Variants in MEAF6 observed in about 807,000 individuals in gnomAD.
MEAF6 encodes the protein chromatin modification-related protein MEAF6.
A neutral mutation model predicts 28.9 loss-of-function variants in MEAF6; 15 were observed. The ratio of observed to expected loss-of-function variants is 0.52; its 90% CI spans 0.35 to 0.80. The LOEUF is 0.80. Among genes scored for constraint, MEAF6 ranks in the 30% least tolerant of loss-of-function variants. The pLI is 0.01. For missense variants in MEAF6, 178 were observed against 237.5 expected (o/e 0.75, Z 1.65); for synonymous variants, 97 against 88.7 (o/e 1.09, Z -0.53).
In MEAF6 at chr1:37,493,785, T is replaced by C. The variant is rs892136201; in HGVS notation, c.*314A>G. 3.9e-5 allele frequency: 60 copies of C among 1,550,680 alleles called. No homozygotes were observed. The Admixed American group carries it at 1.1e-3, about 28-fold the overall frequency. Reference sequence around the variant, plus strand: ...TGAAGGGTATCACAGATGAAGCTGGTGCCAGCCAGTTTTGGGGGAGACATT... The same window carrying C: ...TGAAGGGTATCACAGATGAAGCTGGCGCCAGCCAGTTTTGGGGGAGACATT... On this transcript the variant is annotated 3_prime_UTR_variant, in exon 7 of 7. Transcript: ENST00000296214.
chr1:37,502,037 T>C (rs753529912), intron 4 of MEAF6, 41 bp from the exon 5 acceptor site: 17 of 1,528,880 alleles, frequency 1.1e-5, no homozygotes, highest in Admixed American at 1.8e-5. Context: ...GCATCATCAG[T>C]ACTCCTCAGG....
chr1:37,504,800 T>TATAC (rs1553163114), intron 4 of MEAF6, among the ~76,000 whole-genome samples: 2 of 135,178 alleles, frequency 1.5e-5, no homozygotes, highest in African/African-American at 5.5e-5. Flanking sequence ...AAAATTTATA[T>TATAC]ACACACACAC....
At position 37,496,522 on chromosome 1, in the gene MEAF6, C is replaced by T; in HGVS notation, c.534-604G>A. On this transcript the variant is annotated intron_variant, in intron 5 of 6. Coordinates refer to ENST00000296214, the MANE Select transcript of MEAF6 (RefSeq NM_001270875.3). ...TAAAAGTGAAGTTTACTTAATTTTG[C>T]TTAAGTTATTAAATAAAATGTTACC... 3.1e-6 allele frequency: 4 copies of T among 1,279,154 alleles called. 1 individual carries two copies. The highest frequency in any genetic ancestry group is 4.1e-6 in the Non-Finnish European group (4 of 971,120). The allele number at this position is 1,279,154 out of a possible 1,614,324, so 79.2% of individuals were successfully genotyped here.
intron 4 of MEAF6, among the ~76,000 whole-genome samples, chr1:37,502,390 T>C (rs1642338484): frequency 6.6e-6 from 1 of 151,950 alleles, no homozygotes. Context: ...GTCTTAAAAA[T>C]ATATATGTTT....
chr1:37,505,580 A>G (rs940954028), intron 4 of MEAF6, among the ~76,000 whole-genome samples: 1 of 152,226 alleles, frequency 6.6e-6, no homozygotes. Context: ...CAGAGAAACC[A>G]AAAGATTGGA....
rs1407733718 is a variant in MEAF6 at position 37,492,216 on chromosome 1, G to C, written c.*1883C>G. Among the ~76,000 whole-genome samples, 1 of 152,002 alleles carries C rather than the reference G, an allele frequency of 6.6e-6. No individual in the cohort carries two copies. The highest frequency in any genetic ancestry group is 1.9e-4 in the East Asian group (1 of 5,184). On this transcript the variant is annotated 3_prime_UTR_variant, in exon 7 of 7. Coordinates refer to ENST00000296214, the MANE Select transcript of MEAF6 (RefSeq NM_001270875.3). ...GCTAATTTTTTGCATTTTTAGTAGA[G>C]ATGGGGTTTCACTGTGTTCGCCAGG...
chr1:37,497,176 C>T (rs1642151771), intron 5 of MEAF6, among the ~76,000 whole-genome samples: 1 of 152,140 alleles, frequency 6.6e-6, no homozygotes, highest in Non-Finnish European at 1.5e-5. Context: ...ACAACACAGT[C>T]TAAACTTTAA....
In MEAF6 at chr1:37,492,619, T is replaced by C. The variant is rs1641976103; in HGVS notation, c.*1480A>G. On this transcript the variant is annotated 3_prime_UTR_variant, in exon 7 of 7. Coordinates refer to ENST00000296214, the MANE Select transcript of MEAF6 (RefSeq NM_001270875.3). The stretch of plus-strand genomic sequence containing the variant: ...TATTTGAGAACAAGAGTGAAAGCTT[T>C]TGCACATCTGACAAGGTAGACTTGT... 6.7e-6 allele frequency: 1 copy of C among 149,906 alleles called. No homozygotes were observed. Among genetic ancestry groups the C allele is most frequent in the South Asian group, 2.1e-4 (1 of 4,760 alleles). The allele number at this position is 149,906 out of a possible 1,614,324, so 9.3% of individuals were successfully genotyped here.
intron 6 of MEAF6, among the ~76,000 whole-genome samples, 191 bp from the exon 7 acceptor site, chr1:37,494,298 G>A (rs973393525): frequency 6.6e-6 from 1 of 151,558 alleles, no homozygotes; most frequent in Non-Finnish European, 1.5e-5. Flanking sequence ...GGGAGATCAC[G>A]AGGTCAGGAG....
At chr1:37,509,968 G>C (rs1315213155) in intron 2 of MEAF6, among the ~76,000 whole-genome samples, 5 of 151,898 alleles carry the variant, frequency 3.3e-5, no homozygotes, top group South Asian at 4.2e-4. Flanking sequence ...GTAGAGACGG[G>C]GTTTTGCCAT....
chr1:37,514,740 T>C lies in MEAF6; in HGVS notation c.7A>G (p.Met3Val), dbSNP rs770091373. 92 of 1,485,298 alleles carry C rather than the reference T, an allele frequency of 6.2e-5. No individual in the cohort carries two copies. Among genetic ancestry groups the C allele is most frequent in the Non-Finnish European group, 7.6e-5 (85 of 1,118,320 alleles). 92.0% of individuals were successfully genotyped at this position (1,485,298 alleles called of 1,614,324 possible). MA[M>V]HNKAAPPQIP... ...TGCGGCGGCGCCGCCTTGTTGTGCA[T>C]CGCCATGTTGGGCTGAGGCGGGCGG... Residue 3 changes from methionine (M) to valine (V), a missense_variant, in exon 1 of 7, where the codon ATG (methionine) becomes GTG (valine). Coordinates refer to ENST00000296214, the MANE Select transcript of MEAF6 (RefSeq NM_001270875.3).
rs1455982912 is a variant in MEAF6, at chr1:37,501,949, T to G, written c.388A>C (p.Asn130His). 1.2e-6 allele frequency: 2 copies of G among 1,610,430 alleles called. No individual in the cohort carries two copies. The highest frequency in any genetic ancestry group is 2.2e-5 in the South Asian group (2 of 90,790). The part of the protein sequence containing the change: ...TESDTSPDFH[N>H]QENEPSQEDP... ...TCCTGGCTGGGCTCATTTTCCTGATTGTGGAAGTCTGGAGAAGTGTCACTT... is the reference window on the plus strand; with the variant it reads ...TCCTGGCTGGGCTCATTTTCCTGATGGTGGAAGTCTGGAGAAGTGTCACTT... Residue 130 changes from asparagine (N) to histidine (H), a missense_variant, in exon 5 of 7, where the codon AAT becomes CAT. Coordinates refer to ENST00000296214, the MANE Select transcript of MEAF6 (RefSeq NM_001270875.3).
At chr1:37,504,380 C>A (rs1188768495) in intron 4 of MEAF6, among the ~76,000 whole-genome samples, 3 of 152,084 alleles carry the variant, frequency 2.0e-5, no homozygotes, top group African/African-American at 4.8e-5. Flanking sequence ...TATATATATA[C>A]TTATTTTTCC....
chr1:37,511,196 T>A (rs1236309844), intron 2 of MEAF6, among the ~76,000 whole-genome samples: 22 of 152,144 alleles, frequency 1.4e-4, no homozygotes. Context: ...GGACATCTCT[T>A]AGGCCAGAAA....
chr1:37,497,227 GGTTT>G (rs144815094), intron 5 of MEAF6, among the ~76,000 whole-genome samples: 31,373 of 151,588 alleles, frequency 0.21, 3,524 homozygotes, highest in East Asian at 0.33. Flanking sequence ...AAGTTATATG[GGTTT>G]GTTTGTTTGT....
chr1:37,495,116 C>CCT, intron 6 of MEAF6, among the ~76,000 whole-genome samples: 1 of 151,678 alleles, frequency 6.6e-6, no homozygotes. Flanking sequence ...GGGTGGATCA[C>CCT]GAGGTCAGGA....
intron 2 of MEAF6, 76 bp from the exon 3 acceptor site, chr1:37,509,618 G>A (rs188810150): frequency 2.4e-6 from 3 of 1,274,032 alleles, no homozygotes; most frequent in Non-Finnish European, 3.3e-6. Flanking sequence ...CAGGACTCAT[G>A]TTCCATGCAG....
At chr1:37,505,948 C>T (rs1335779649) in intron 4 of MEAF6, among the ~76,000 whole-genome samples, 1 of 152,196 alleles carries the variant, frequency 6.6e-6, no homozygotes, top group Non-Finnish European at 1.5e-5. Context: ...AAATGGATCA[C>T]AGACATAAAT....
At chr1:37,497,726 G>C (rs1393651029) in intron 5 of MEAF6, among the ~76,000 whole-genome samples, 1 of 152,030 alleles carries the variant, frequency 6.6e-6, no homozygotes, top group Non-Finnish European at 1.5e-5. Context: ...CTAGCAGCTG[G>C]GATTACAGGC....
Sources: allele counts gnomAD v4.1 joint callset (sites outside exome capture counted in the v4.1 genomes callset), GRCh38; gene constraint gnomAD v4.1.1; transcripts MANE v1.5; gene names NCBI Gene and HGNC (gene_info 2026-07-23, HGNC 2026-07-21).